Variants in CHRNB4 observed in about 807,000 individuals in gnomAD.
CHRNB4 encodes the protein cholinergic receptor nicotinic beta 4 subunit, also known as neuronal acetylcholine receptor subunit beta-4.
A neutral mutation model predicts 40.4 loss-of-function variants in CHRNB4; 23 were observed. The observed-to-expected ratio is 0.57, with a 90% confidence interval of 0.41 to 0.81. The LOEUF is 0.81. Ranked by LOEUF, CHRNB4 falls within the 30% of genes least tolerant of loss-of-function variation. The pLI is 0.00. For synonymous variants in CHRNB4, 285 were observed against 274.4 expected (o/e 1.04, Z -0.38); for missense variants, 568 against 670.6 (o/e 0.85, Z 1.69).
At position 78,631,276 on chromosome 15, in the gene CHRNB4, C is replaced by G. The variant is rs770463086; in HGVS notation, c.249+12G>C. On this transcript the variant is annotated intron_variant, in intron 3 of 5. Coordinates refer to ENST00000261751, the MANE Select transcript of CHRNB4 (RefSeq NM_000750.5). ...AAGATCTCTGGGGCTCAGGGCCCTT[C>G]AGGGCACTTACCTGTTTCAGCCAGA... 2.5e-6 allele frequency: 4 copies of G among 1,614,124 alleles called. No individual in the cohort carries two copies. In the South Asian group the frequency reaches 4.4e-5, roughly 18 times the overall value.
Position 78,654,956 on chromosome 15 carries a change from C to T in CHRNB4, c.-110+588G>A, listed in dbSNP as rs536802858. ...CCTGGTTTTAAGAGTTTCCCCCCACCCCAACTTTATGGACGGATAACTGGA... is the reference window on the plus strand; with the variant it reads ...CCTGGTTTTAAGAGTTTCCCCCCACTCCAACTTTATGGACGGATAACTGGA... On this transcript the variant is annotated intron_variant and NMD_transcript_variant, in intron 5 of 11. Transcript: ENST00000559849. 1.6e-4 allele frequency among the ~76,000 whole-genome samples: 25 copies of T among 152,220 alleles called. 1 individual carries two copies. In the South Asian group the frequency reaches 4.8e-3, roughly 29 times the overall value.
intron 1 of CHRNB4, among the ~76,000 whole-genome samples, chr15:78,639,781 C>A (rs2054031948): frequency 6.6e-6 from 1 of 152,116 alleles, no homozygotes; most frequent in African/African-American, 2.4e-5. Flanking sequence ...GCCCCAGGAC[C>A]ACACCTAAGA....
rs56011563 is a variant in CHRNB4, at chr15:78,635,430, T to C, written c.204+9A>G. ...CTGAGCCTGAGCCACAGCTGCCCTC[T>C]GCACCTACCACGCTGATAAGCTGGG... On this transcript the variant is annotated intron_variant, in intron 2 of 5. Coordinates refer to ENST00000261751, the MANE Select transcript of CHRNB4 (RefSeq NM_000750.5). The C allele has an allele frequency of 5.6e-6, 9 of 1,613,310 alleles. No individual in the cohort carries two copies. Among genetic ancestry groups the C allele is most frequent in the African/African-American group, 1.3e-5 (1 of 75,042 alleles).
upstream of CHRNB4, among the ~76,000 whole-genome samples, chr15:78,641,792 C>T (rs980531957): frequency 6.6e-6 from 1 of 152,184 alleles, no homozygotes; most frequent in African/African-American, 2.4e-5. Flanking sequence ...GTGGGCTGGC[C>T]TCGTCCTCCC....
chr15:78,652,671 T>C (rs533425443), exon 6 of CHRNB4: 1 of 152,248 alleles, frequency 6.6e-6, no homozygotes, highest in African/African-American at 2.4e-5. Flanking sequence ...CGACTTTCCA[T>C]CTATAGATGG....
chr15:78,636,457 GCCCTTT>G (rs2053952651), intron 1 of CHRNB4, among the ~76,000 whole-genome samples: 1 of 151,984 alleles, frequency 6.6e-6, no homozygotes, highest in South Asian at 2.1e-4. Context: ...GGCGTTCAAG[GCCCTTT>G]CCCCACTGAC....
At chr15:78,638,462 G>A (rs1193366047) in intron 1 of CHRNB4, among the ~76,000 whole-genome samples, 1 of 152,258 alleles carries the variant, frequency 6.6e-6, no homozygotes, top group Non-Finnish European at 1.5e-5. Flanking sequence ...AGGTATAGGA[G>A]CCTCTTTCCG....
Position 78,624,907 on chromosome 15 carries a change from G to A in CHRNB4, c.*226C>T. On this transcript the variant is annotated 3_prime_UTR_variant, in exon 6 of 6. Coordinates refer to ENST00000261751, the MANE Select transcript of CHRNB4 (RefSeq NM_000750.5). ...AAGGAAGACAGGCCAGAATTGAACTGTCTGAAGCTCCCTCCTACTGGGGCT... is the reference window on the plus strand; with the variant it reads ...AAGGAAGACAGGCCAGAATTGAACTATCTGAAGCTCCCTCCTACTGGGGCT... 6.9e-7 allele frequency: 1 copy of A among 1,444,474 alleles called. No homozygotes were observed. Among genetic ancestry groups the A allele is most frequent in the Non-Finnish European group, 9.2e-7 (1 of 1,091,908 alleles). The allele number at this position is 1,444,474 out of a possible 1,614,324, so 89.5% of individuals were successfully genotyped here.
chr15:78,630,081 G>GT, intron 4 of CHRNB4, 136 bp from the exon 5 acceptor site: 2 of 958,924 alleles, frequency 2.1e-6, no homozygotes, highest in Non-Finnish European at 2.9e-6. Flanking sequence ...CTCACTGAAA[G>GT]GAGGGGTCTG....
At chr15:78,638,175 C>T (rs566611877) in intron 1 of CHRNB4, among the ~76,000 whole-genome samples, 3 of 152,320 alleles carry the variant, frequency 2.0e-5, no homozygotes, top group Admixed American at 6.5e-5. Flanking sequence ...GACAGGGCTC[C>T]CAAGCGCAGG....
upstream of CHRNB4, chr15:78,661,271 G>T: frequency 1.7e-6 from 1 of 603,352 alleles, no homozygotes; most frequent in Non-Finnish European, 3.2e-6. Flanking sequence ...GCCCCGCCCT[G>T]AGGATGCGGC....
Position 78,629,341 on chromosome 15 carries a change from G to A in CHRNB4, c.964C>T (p.Arg322Cys), listed in dbSNP as rs79914661. ...GCCATGGTGTGGGTGCTGGGCGAGC[G>A]GTGGTGCACATTGAGCACACAGACG... ...TSVCVLNVHH[R>C]SPSTHTMAPW... Residue 322 changes from arginine to cysteine, a missense_variant, in exon 5 of 6, where the codon CGC (arginine) becomes TGC (cysteine). Physicochemically the swap from Arg to Cys is radical, Grantham distance 180. Coordinates refer to ENST00000261751, the MANE Select transcript of CHRNB4 (RefSeq NM_000750.5). This position sits in a 1 kb window ranked among gnomAD's most constrained non-coding sequence, Gnocchi z 6.8. The A allele has an allele frequency of 6.8e-6, 11 of 1,613,938 alleles. No individual in the cohort carries two copies. The highest frequency in any genetic ancestry group is 3.3e-5 in the Admixed American group (2 of 59,992).
Position 78,624,174 on chromosome 15 carries a change from T to C in CHRNB4, c.*959A>G, listed in dbSNP as rs1196849446. On this transcript the variant is annotated 3_prime_UTR_variant, in exon 6 of 6. Transcript: ENST00000261751. ...CAAGCTCTGTCCTAGGCCCTGGGGA[T>C]ACTACCACGAATGTGAAGGAGCAGG... The C allele has an allele frequency of 6.6e-6, 1 of 152,090 alleles. No homozygotes were observed. The highest frequency in any genetic ancestry group is 1.5e-5 in the Non-Finnish European group (1 of 68,026). The allele number at this position is 152,090 out of a possible 1,614,324, so 9.4% of individuals were successfully genotyped here. A position where few individuals can be genotyped will look rare whatever the true frequency, so the allele number is the denominator to read the frequency against.
At chr15:78,660,317 C>T (rs190265846) in intron 1 of CHRNB4, among the ~76,000 whole-genome samples, 9 of 152,338 alleles carry the variant, frequency 5.9e-5, no homozygotes, top group Non-Finnish European at 1.2e-4. Flanking sequence ...AGTCCCTCTG[C>T]TGTTGCAGTA....
chr15:78,653,247 T>A (rs1050084020), intron 5 of CHRNB4, among the ~76,000 whole-genome samples: 1 of 152,238 alleles, frequency 6.6e-6, no homozygotes, highest in Non-Finnish European at 1.5e-5. Context: ...CTGAAAGTTC[T>A]GAGGGAGGCA....
rs137952133 is a variant in CHRNB4, at chr15:78,647,938, T to C, written c.46+1441A>G. ...ACCTTACGATAAATCTAGCAAAATA[T>C]ACATAAGGCCTTTCATGAAGAGTAT... On this transcript the variant is annotated intron_variant and NMD_transcript_variant, in intron 7 of 11. Coordinates refer to the CHRNB4 transcript ENST00000559849. Among the ~76,000 whole-genome samples the C allele has an allele frequency of 7.6e-3, 1,113 of 146,654 alleles. 16 individuals carry two copies. Among genetic ancestry groups the C allele is most frequent in the Non-Finnish European group, 9.6e-3 (641 of 66,664 alleles).
intron 2 of CHRNB4, chr15:78,634,472 C>T (rs2141383026): frequency 3.2e-6 from 1 of 314,686 alleles, no homozygotes; most frequent in African/African-American, 2.2e-5. Context: ...CTCTCCAGCC[C>T]TCCCCATCCT....
intron 1 of CHRNB4, among the ~76,000 whole-genome samples, chr15:78,640,132 C>T (rs1331188596): frequency 6.6e-6 from 1 of 152,198 alleles, no homozygotes; most frequent in Non-Finnish European, 1.5e-5. Context: ...ATGGCTTCCT[C>T]TCAGATTATT....
chr15:78,656,061 G>T lies in CHRNB4; in HGVS notation c.-230+151C>A, dbSNP rs199787677. On this transcript the variant is annotated intron_variant and NMD_transcript_variant, in intron 4 of 11. Transcript: ENST00000559849. Reference sequence around the variant, plus strand: ...GTTAGAAGGAATAAATTCAAGACTGGGTGTGATAACTCACACCTGTAATCC... The same window carrying T: ...GTTAGAAGGAATAAATTCAAGACTGTGTGTGATAACTCACACCTGTAATCC... Among the ~76,000 whole-genome samples, 48 of 152,130 alleles carry T rather than the reference G, an allele frequency of 3.2e-4. No individual in the cohort carries two copies. The East Asian group carries it at 7.5e-3, about 24-fold the overall frequency.
Sources: allele counts gnomAD v4.1 joint callset (sites outside exome capture counted in the v4.1 genomes callset), GRCh38; gene constraint gnomAD v4.1.1; non-coding constraint Gnocchi (gnomAD v3.1); transcripts MANE v1.5; gene names NCBI Gene and HGNC (gene_info 2026-07-23, HGNC 2026-07-21).